Variants in RALYL observed in about 807,000 individuals in gnomAD.
RALYL encodes RNA-binding Raly-like protein.
A neutral mutation model predicts 35.1 loss-of-function variants in RALYL; 29 were observed. That is an observed-to-expected ratio of 0.83 (90% CI 0.61 to 1.13). The LOEUF (loss-of-function observed/expected upper bound fraction) is 1.13, where lower values mean the gene tolerates loss of function less well. Ranked by LOEUF, RALYL falls within the 50% of genes most tolerant of loss-of-function variation. The pLI is 0.00. For synonymous variants in RALYL, 120 were observed against 127.6 expected (o/e 0.94, Z 0.40); for missense variants, 359 against 360.4 (o/e 1.00, Z 0.03).
At chr8:84,698,422 C>T (rs1449929781) in intron 2 of RALYL, among the ~76,000 whole-genome samples, 2 of 151,900 alleles carry the variant, frequency 1.3e-5, no homozygotes, top group African/African-American at 4.8e-5. Context: ...AATATAGAGT[C>T]CCAATGATAA....
chr8:84,661,276 C>G (rs1050055849), intron 2 of RALYL, among the ~76,000 whole-genome samples: 12 of 151,898 alleles, frequency 7.9e-5, no homozygotes, highest in Non-Finnish European at 1.2e-4. Flanking sequence ...ATTATTTTTG[C>G]CCTGTGATAT....
At chr8:84,247,089 G>A (rs986971679) in intron 1 of RALYL, among the ~76,000 whole-genome samples, 10 of 152,098 alleles carry the variant, frequency 6.6e-5, no homozygotes, top group Admixed American at 2.6e-4. Flanking sequence ...TATCCAAATG[G>A]CGATTATCCA....
At chr8:84,287,576 G>A in intron 1 of RALYL, among the ~76,000 whole-genome samples, 1 of 151,676 alleles carries the variant, frequency 6.6e-6, no homozygotes, top group Non-Finnish European at 1.5e-5. Flanking sequence ...GAGAATAGAA[G>A]GAAATGGTCT....
At chr8:84,721,137 G>A (rs951559098) in intron 2 of RALYL, among the ~76,000 whole-genome samples, 40 of 152,050 alleles carry the variant, frequency 2.6e-4, no homozygotes, top group Admixed American at 2.6e-3. Context: ...GGAGGCTGAG[G>A]CAGGAGGATA....
At chr8:84,860,272 A>T (rs1283211164) in intron 5 of RALYL, among the ~76,000 whole-genome samples, 1 of 152,184 alleles carries the variant, frequency 6.6e-6, no homozygotes, top group Non-Finnish European at 1.5e-5. Context: ...AACCCAATTT[A>T]TAGATTGGCT....
At chr8:84,471,280 T>C (rs572944054) in intron 1 of RALYL, among the ~76,000 whole-genome samples, 1 of 152,204 alleles carries the variant, frequency 6.6e-6, no homozygotes, top group African/African-American at 2.4e-5. Flanking sequence ...TCAAAAAAGA[T>C]AGAAAACAAC....
intron 2 of RALYL, among the ~76,000 whole-genome samples, chr8:84,648,461 TC>T (rs1827965157): frequency 1.3e-5 from 2 of 152,068 alleles, no homozygotes; most frequent in Admixed American, 1.3e-4. Context: ...GGGTTGCTTT[TC>T]ACTGCAAGGC....
Position 84,867,335 on chromosome 8 carries a change from ATCTT to A in RALYL, c.571+4886_571+4889del, listed in dbSNP as rs571164885. Among the ~76,000 whole-genome samples the A allele has an allele frequency of 2.1e-4, 32 of 152,228 alleles. No individual in the cohort carries two copies. The South Asian group carries it at 6.2e-3, about 30-fold the overall frequency. ...TTATAGTTATTTGTATGCACATCTA[ATCTT>A]TCTATTTTCAATTACAAATTCATTC... On this transcript the variant is annotated intron_variant, in intron 6 of 8. Transcript: ENST00000521268.
intron 2 of RALYL, among the ~76,000 whole-genome samples, chr8:84,701,268 G>A (rs994200591): frequency 2.0e-5 from 3 of 152,140 alleles, no homozygotes; most frequent in African/African-American, 7.2e-5. Flanking sequence ...GGTCCAAGTT[G>A]CATGAGTTCA....
chr8:84,389,327 C>A lies in RALYL; in HGVS notation c.-23-139972C>A, dbSNP rs373495971. ...CTTAGGATTGACTTGGCAATGCGGG[C>A]TCTTTTTTGGTTCCACATGAACTTT... On this transcript the variant is annotated intron_variant, in intron 1 of 8. Transcript: ENST00000521268. Among the ~76,000 whole-genome samples, 7 of 152,148 alleles carry A rather than the reference C, an allele frequency of 4.6e-5. No homozygotes were observed. In the East Asian group the frequency reaches 7.8e-4, roughly 17 times the overall value.
chr8:84,687,139 G>C (rs1836969929), intron 2 of RALYL, among the ~76,000 whole-genome samples: 1 of 152,032 alleles, frequency 6.6e-6, no homozygotes, highest in Admixed American at 6.6e-5. Context: ...TTTTAATTCA[G>C]CCAAAGAAAT....
chr8:84,609,359 G>C (rs760514133), intron 2 of RALYL, among the ~76,000 whole-genome samples: 23 of 152,068 alleles, frequency 1.5e-4, no homozygotes, highest in Non-Finnish European at 2.9e-4. Context: ...TCATAGAGTT[G>C]GTATGAAAAT....
At chr8:84,507,277 T>C (rs1461476064) in intron 1 of RALYL, among the ~76,000 whole-genome samples, 1 of 152,124 alleles carries the variant, frequency 6.6e-6, no homozygotes, top group Non-Finnish European at 1.5e-5. Context: ...GTACACAGAA[T>C]TAAATTCATA....
At position 84,693,135 on chromosome 8, in the gene RALYL, C is replaced by A. The variant is rs527683630; in HGVS notation, c.257-81444C>A. Among the ~76,000 whole-genome samples the A allele has an allele frequency of 2.0e-5, 3 of 152,008 alleles. No homozygotes were observed. The South Asian group carries it at 6.2e-4, about 32-fold the overall frequency. ...AGAAAACTAATACACTCATTTGATT[C>A]ATAAATATTTGTAGAGCAACTAATA... On this transcript the variant is annotated intron_variant, in intron 2 of 8. Transcript: ENST00000521268.
At chr8:84,569,036 A>G (rs1807229690) in intron 2 of RALYL, among the ~76,000 whole-genome samples, 1 of 149,248 alleles carries the variant, frequency 6.7e-6, no homozygotes. Context: ...TGCTGTGCAG[A>G]AGCTCTTTAG....
At position 84,777,067 on chromosome 8, in the gene RALYL, A is replaced by T. The variant is rs558699694; in HGVS notation, c.332+2413A>T. Among the ~76,000 whole-genome samples, 36 of 152,338 alleles carry T rather than the reference A, an allele frequency of 2.4e-4. 1 individual carries two copies. The South Asian group carries it at 7.0e-3, about 30-fold the overall frequency. ...AATTACCTTAATTTTATGTGGACAAACTATGCTTTCATAGTCATTCACCTG... is the reference window on the plus strand; with the variant it reads ...AATTACCTTAATTTTATGTGGACAATCTATGCTTTCATAGTCATTCACCTG... On this transcript the variant is annotated intron_variant, in intron 3 of 8. Transcript: ENST00000521268.
At chr8:84,518,623 G>A (rs1024559260) in intron 1 of RALYL, among the ~76,000 whole-genome samples, 1 of 152,170 alleles carries the variant, frequency 6.6e-6, no homozygotes, top group Non-Finnish European at 1.5e-5. Flanking sequence ...TTGGTAGGAA[G>A]AAATTCACCA....
intron 2 of RALYL, among the ~76,000 whole-genome samples, chr8:84,753,334 A>T (rs1411646259): frequency 6.6e-6 from 1 of 152,190 alleles, no homozygotes; most frequent in Non-Finnish European, 1.5e-5. Context: ...TCATAGGCAG[A>T]AGGGACTTGC....
intron 1 of RALYL, among the ~76,000 whole-genome samples, chr8:84,356,770 C>G (rs1003981604): frequency 4.7e-5 from 7 of 150,214 alleles, no homozygotes; most frequent in Non-Finnish European, 8.9e-5. Flanking sequence ...TTTACCTACA[C>G]ACATAACCTA....
Sources: allele counts gnomAD v4.1 joint callset (sites outside exome capture counted in the v4.1 genomes callset), GRCh38; gene constraint gnomAD v4.1.1; transcripts MANE v1.5; gene names NCBI Gene and HGNC (gene_info 2026-07-23, HGNC 2026-07-21).